Variants in COL4A2 observed in about 807,000 individuals in gnomAD.
COL4A2 encodes the protein collagen type IV alpha 2 chain.
In COL4A2, 99 loss-of-function variants were observed where a neutral mutation model predicts 200.2. The observed-to-expected ratio is 0.49, with a 90% CI of 0.42 to 0.58. COL4A2 has a LOEUF of 0.58. Among genes scored for constraint, COL4A2 ranks in the 20% least tolerant of loss-of-function variants. The pLI, the probability that COL4A2 is intolerant of heterozygous loss-of-function variation, is 0.00. For synonymous variants in COL4A2, 897 were observed against 900.6 expected, an observed-to-expected ratio of 1.00 and a Z score of 0.07; for missense variants, 1,950 against 2,314.1, an observed-to-expected ratio of 0.84 and a Z score of 3.23.
rs375996136 is a variant in COL4A2 at position 110,489,701 on chromosome 13, C to T, written c.3272-10C>T. 77 of 1,614,048 alleles carry T rather than the reference C, an allele frequency of 4.8e-5. No homozygotes were observed. The highest frequency in any genetic ancestry group is 5.8e-5 in the Non-Finnish European group (69 of 1,180,006). On this transcript the variant is annotated splice_polypyrimidine_tract_variant and intron_variant, in intron 35 of 47. Coordinates refer to ENST00000360467, the MANE Select transcript of COL4A2 (RefSeq NM_001846.4). ...GTCCTGTTCTTAGCCGTCTTTTTTG[C>T]ATGTAACAGGTGACATCGGGGACAC...
intron 16 of COL4A2, among the ~76,000 whole-genome samples, chr13:110,441,396 C>T (rs1177802234): frequency 6.6e-6 from 1 of 152,212 alleles, no homozygotes; most frequent in Non-Finnish European, 1.5e-5. Flanking sequence ...ACCATTCAAA[C>T]TTAACACCAA....
intron 3 of COL4A2, among the ~76,000 whole-genome samples, chr13:110,308,747 C>G (rs903681378): frequency 5.3e-5 from 8 of 152,226 alleles, no homozygotes; most frequent in African/African-American, 1.7e-4. Context: ...TCCACGCCGG[C>G]CGTGCACAGC....
intron 3 of COL4A2, among the ~76,000 whole-genome samples, chr13:110,355,356 G>C (rs576440888): frequency 8.1e-6 from 1 of 123,282 alleles, no homozygotes; most frequent in Non-Finnish European, 1.6e-5. Flanking sequence ...CTGTGTGTGT[G>C]GGGGAGGGCT....
chr13:110,510,289 C>T (rs1884042205), intron 47 of COL4A2, among the ~76,000 whole-genome samples: 1 of 152,262 alleles, frequency 6.6e-6, no homozygotes, highest in South Asian at 2.1e-4. Flanking sequence ...AAGGGCAGAG[C>T]CCCGGATGCA....
intron 29 of COL4A2, 40 bp from the exon 30 acceptor site, chr13:110,477,963 C>A: frequency 6.6e-7 from 1 of 1,506,404 alleles, no homozygotes; most frequent in South Asian, 1.3e-5. Context: ...ATGAACAGTC[C>A]AGAGTTGGCC....
chr13:110,449,046 C>T (rs1018915249), intron 18 of COL4A2, among the ~76,000 whole-genome samples: 19 of 122,492 alleles, frequency 1.6e-4, no homozygotes, highest in Non-Finnish European at 3.0e-4. Context: ...TTCAGTGTGA[C>T]GCCCAGCAAA....
intron 13 of COL4A2, among the ~76,000 whole-genome samples, chr13:110,437,581 C>A (rs1880940541): frequency 6.6e-6 from 1 of 152,202 alleles, no homozygotes; most frequent in South Asian, 2.1e-4. Context: ...ACTTTTGCTT[C>A]AAGTTTCAAT....
At chr13:110,417,941 T>C (rs1281278976) in intron 4 of COL4A2, among the ~76,000 whole-genome samples, 3 of 152,172 alleles carry the variant, frequency 2.0e-5, no homozygotes. Context: ...TTGGGTCCTG[T>C]GAACTTTAGA....
chr13:110,356,519 AC>A (rs777740939), intron 3 of COL4A2, among the ~76,000 whole-genome samples: 3 of 151,502 alleles, frequency 2.0e-5, no homozygotes, highest in Non-Finnish European at 4.4e-5. Flanking sequence ...TTGCACCGAC[AC>A]CTCCTCCTCC....
intron 39 of COL4A2, among the ~76,000 whole-genome samples, chr13:110,494,299 C>G (rs1883381472): frequency 6.6e-6 from 1 of 151,450 alleles, no homozygotes; most frequent in African/African-American, 2.4e-5. Flanking sequence ...TTAACCCTGT[C>G]CTCCCCAAGA....
chr13:110,452,258 C>T (rs879559587), intron 20 of COL4A2, among the ~76,000 whole-genome samples: 8 of 152,226 alleles, frequency 5.3e-5, no homozygotes, highest in Non-Finnish European at 1.0e-4. Flanking sequence ...CTCAGCCTCC[C>T]GAGTAGCTGG....
At chr13:110,349,152 C>T (rs1473835228) in intron 3 of COL4A2, among the ~76,000 whole-genome samples, 1 of 152,124 alleles carries the variant, frequency 6.6e-6, no homozygotes, top group African/African-American at 2.4e-5. Context: ...AAATAGTAGT[C>T]TCAAAGAGTT....
At chr13:110,459,588 G>T (rs1019432227) in intron 22 of COL4A2, 2 of 140,126 alleles carry the variant, frequency 1.4e-5, no homozygotes, top group Non-Finnish European at 3.1e-5. Context: ...TGGGGGTGGG[G>T]AGTACCTGCT....
In COL4A2 at chr13:110,458,738, G is replaced by A. The variant is rs1253587184; in HGVS notation, c.1433-33G>A. 3.1e-6 allele frequency: 5 copies of A among 1,612,870 alleles called. No homozygotes were observed. In the African/African-American group the frequency reaches 5.3e-5, roughly 17 times the overall value. ...TCCCCGCCACGCTAAGAGGAATGCG[G>A]AACAAGGAGGCCCTCCTCTCCCTCC... is the stretch of plus-strand genomic sequence containing the variant. On this transcript the variant is annotated intron_variant, in intron 21 of 47. Transcript: ENST00000360467.
At chr13:110,428,896 ATTC>A (rs1880571377) in intron 7 of COL4A2, 1 of 264,166 alleles carries the variant, frequency 3.8e-6, no homozygotes, top group Non-Finnish European at 7.0e-6. Context: ...CCTTGACAAA[ATTC>A]TGTCCATCAC....
At chr13:110,506,306 ACTCTCTCT>A (rs780165751) in intron 45 of COL4A2, 101 bp from the exon 46 acceptor site, 1 of 916,514 alleles carries the variant, frequency 1.1e-6, no homozygotes, top group East Asian at 3.4e-5. Context: ...CAGGCCGTCC[ACTCTCTCT>A]CTCTCTCTCA....
At chr13:110,504,815 C>A (rs139244306) in intron 45 of COL4A2, among the ~76,000 whole-genome samples, 2,393 of 151,922 alleles carry the variant, frequency 0.016, 42 homozygotes, top group Non-Finnish European at 0.025. Flanking sequence ...ACCATGTTGG[C>A]CAGGCTGGTC....
At chr13:110,433,308 G>A (rs1177213378) in intron 11 of COL4A2, among the ~76,000 whole-genome samples, 1 of 152,260 alleles carries the variant, frequency 6.6e-6, no homozygotes. Flanking sequence ...CGGCCGGGCT[G>A]AGGAGGCAGC....
At chr13:110,332,678 CTT>C (rs1456703098) in intron 3 of COL4A2, among the ~76,000 whole-genome samples, 2 of 152,214 alleles carry the variant, frequency 1.3e-5, no homozygotes, top group Non-Finnish European at 2.9e-5. Flanking sequence ...ACTGTGTTAA[CTT>C]TTAATAGAGG....
Sources: gnomAD v4.1 joint callset for allele counts (sites outside exome capture counted in the v4.1 genomes callset) on GRCh38, gnomAD v4.1.1 for gene constraint, MANE v1.5 for transcripts, NCBI Gene and HGNC (gene_info 2026-07-23, HGNC 2026-07-21) for gene names.